Variants in ARHGAP10 observed in about 807,000 individuals in gnomAD.
ARHGAP10 encodes Rho GTPase activating protein 10.
Under a neutral mutation model 108.6 loss-of-function variants are expected in ARHGAP10, and 87 were observed. The observed-to-expected ratio is 0.80, with a 90% CI of 0.67 to 0.96. ARHGAP10 has a LOEUF of 0.96. Ranked by LOEUF, ARHGAP10 falls within the 40% of genes least tolerant of loss-of-function variation. The pLI is 0.00. For missense variants in ARHGAP10, 939 were observed against 954.5 expected, an observed-to-expected ratio of 0.98 and a Z score of 0.21; for synonymous variants, 347 against 341.1, an observed-to-expected ratio of 1.02 and a Z score of -0.19.
At chr4:148,046,253 C>A (rs1303495514) in intron 19 of ARHGAP10, among the ~76,000 whole-genome samples, 1 of 152,142 alleles carries the variant, frequency 6.6e-6, no homozygotes, top group East Asian at 1.9e-4. Flanking sequence ...TGAATGGATA[C>A]ATTGTGCAAC....
At chr4:147,784,803 TATAATATATTATAAAATATATATTATAA>T (rs1461325573) in intron 1 of ARHGAP10, among the ~76,000 whole-genome samples, 6,494 of 51,990 alleles carry the variant, frequency 0.12, 1,611 homozygotes, top group Middle Eastern at 0.23. Flanking sequence ...ATATTATAAA[TATAATATATTATAAAATATATATTATAA>T]ATATATTATA....
chr4:148,038,142 T>C (rs114769969), intron 19 of ARHGAP10, among the ~76,000 whole-genome samples: 1,537 of 152,296 alleles, frequency 0.01, 22 homozygotes, highest in African/African-American at 0.035. Context: ...CAGACTTTAT[T>C]TTAGCAGAGT....
chr4:147,984,969 G>C (rs917462846), intron 18 of ARHGAP10, among the ~76,000 whole-genome samples: 4 of 152,200 alleles, frequency 2.6e-5, no homozygotes, highest in African/African-American at 9.6e-5. Flanking sequence ...TCAGCTTTGA[G>C]GGGTGGTCCA....
chr4:147,864,843 T>C lies in ARHGAP10; in HGVS notation c.487-3T>C, dbSNP rs749269913. ...TTGACTAACCTCTGTGATTTTAACA[T>C]AGGCAGATATCCAAGTAGAGCAGAA... On this transcript the variant is annotated splice_region_variant and splice_polypyrimidine_tract_variant and intron_variant, in intron 5 of 22. Transcript: ENST00000336498. 1.2e-6 allele frequency: 2 copies of C among 1,612,332 alleles called. No homozygotes were observed. The highest frequency in any genetic ancestry group is 1.7e-6 in the Non-Finnish European group (2 of 1,178,854).
chr4:147,805,603 C>T (rs188487463), intron 1 of ARHGAP10, among the ~76,000 whole-genome samples: 69 of 152,270 alleles, frequency 4.5e-4, no homozygotes, highest in African/African-American at 1.5e-3. Flanking sequence ...TATCCCTTCT[C>T]TTCATTTTTT....
intron 7 of ARHGAP10, among the ~76,000 whole-genome samples, chr4:147,872,279 G>A (rs1438365584): frequency 1.3e-5 from 2 of 152,084 alleles, no homozygotes; most frequent in African/African-American, 4.8e-5. Flanking sequence ...GAGCAGAGAT[G>A]TTAAGTGAGC....
At position 147,976,338 on chromosome 4, in the gene ARHGAP10, C is replaced by T. The variant is rs575966917; in HGVS notation, c.1716+9499C>T. 5.3e-5 allele frequency among the ~76,000 whole-genome samples: 8 copies of T among 152,232 alleles called. 1 individual carries two copies. In the Middle Eastern group the frequency reaches 0.02, roughly 388 times the overall value. On this transcript the variant is annotated intron_variant, in intron 18 of 22. Coordinates refer to ENST00000336498, the MANE Select transcript of ARHGAP10 (RefSeq NM_024605.4). ...GTGAGAGAAAAATAAATGTCTTAAA[C>T]AACAACAACAATAGCAGCAGCAATA...
chr4:147,881,043 G>A (rs1318885130), intron 9 of ARHGAP10, among the ~76,000 whole-genome samples: 1 of 152,062 alleles, frequency 6.6e-6, no homozygotes, highest in Admixed American at 6.6e-5. Flanking sequence ...GGAGGCCGAG[G>A]TGGGCAGATC....
chr4:148,034,122 C>T (rs950612165), intron 19 of ARHGAP10, among the ~76,000 whole-genome samples: 2 of 152,080 alleles, frequency 1.3e-5, no homozygotes, highest in Admixed American at 1.3e-4. Flanking sequence ...GGATGTAAAC[C>T]AGCCAATATA....
rs151004924 is a variant in ARHGAP10, at chr4:148,020,539, G to GTT, written c.1717-2719_1717-2718dup. On this transcript the variant is annotated intron_variant, in intron 18 of 22. Transcript: ENST00000336498. ...CTCCTACTTATAAGTGAGAACATGC[G>GTT]TTTTTTGTTTTTTTTTTTATTCCTG... 9.1e-3 allele frequency among the ~76,000 whole-genome samples: 1,333 copies of GTT among 146,324 alleles called. 28 individuals are homozygous for GTT. Among genetic ancestry groups the GTT allele is most frequent in the African/African-American group, 0.031 (1,218 of 38,922 alleles).
chr4:147,931,629 C>A (rs982443413), intron 13 of ARHGAP10, among the ~76,000 whole-genome samples: 4 of 152,100 alleles, frequency 2.6e-5, no homozygotes, highest in African/African-American at 9.7e-5. Flanking sequence ...TCTTTCCAGG[C>A]AATACCTCTG....
chr4:147,734,063 G>T (rs1434662203), intron 1 of ARHGAP10, among the ~76,000 whole-genome samples: 1 of 152,044 alleles, frequency 6.6e-6, no homozygotes, highest in Admixed American at 6.6e-5. Flanking sequence ...GGGAGCGGGG[G>T]TGCAGAGTGA....
intron 18 of ARHGAP10, among the ~76,000 whole-genome samples, chr4:147,988,935 C>T (rs552204827): frequency 5.3e-5 from 8 of 152,314 alleles, no homozygotes; most frequent in African/African-American, 1.4e-4. Context: ...TACCAAAAGA[C>T]GTTCTACTTA....
chr4:148,044,377 C>G (rs749653835), intron 19 of ARHGAP10, among the ~76,000 whole-genome samples: 2 of 152,146 alleles, frequency 1.3e-5, no homozygotes, highest in Non-Finnish European at 2.9e-5. Context: ...CCCAGACTCT[C>G]CTTTGCTGCT....
chr4:147,822,581 C>A, intron 1 of ARHGAP10, 146 bp from the exon 2 acceptor site: 2 of 751,032 alleles, frequency 2.7e-6, no homozygotes, highest in Non-Finnish European at 2.2e-6. Context: ...AGATGGCGGG[C>A]CATTTGGCAA....
intron 13 of ARHGAP10, among the ~76,000 whole-genome samples, chr4:147,929,948 T>C (rs1205284506): frequency 6.6e-6 from 1 of 152,206 alleles, no homozygotes; most frequent in Non-Finnish European, 1.5e-5. Flanking sequence ...TGCATACACA[T>C]GTGTGTATAT....
At chr4:147,803,501 T>C (rs1195484739) in intron 1 of ARHGAP10, among the ~76,000 whole-genome samples, 2 of 152,234 alleles carry the variant, frequency 1.3e-5, no homozygotes, top group Non-Finnish European at 2.9e-5. Flanking sequence ...TTAATTATAG[T>C]CAGCCTTCTG....
Position 148,047,047 on chromosome 4 carries a change from A to G in ARHGAP10, c.2023A>G (p.Thr675Ala). 2 of 1,613,962 alleles carry G rather than the reference A, an allele frequency of 1.2e-6. No homozygotes were observed. The highest frequency in any genetic ancestry group is 1.1e-5 in the South Asian group (1 of 91,058). Residue 675 changes from threonine (T) to alanine (A), a missense_variant, in exon 20 of 23, where the codon ACT becomes GCT. Thr to Ala is a moderately conservative substitution (Grantham distance 58). Coordinates refer to ENST00000336498, the MANE Select transcript of ARHGAP10 (RefSeq NM_024605.4). The part of the protein sequence containing the change: ...DGGSFGDWAS[T>A]IPGQTRSSMV... ...AGGGAGCTTTGGAGACTGGGCATCC[A>G]CTATGTAAGTAACCGTGCTTCTGTT...
intron 3 of ARHGAP10, among the ~76,000 whole-genome samples, chr4:147,837,779 G>T (rs913404175): frequency 1.3e-5 from 2 of 151,148 alleles, no homozygotes; most frequent in East Asian, 1.9e-4. Flanking sequence ...TTTATGGTGG[G>T]AGGTGGACTT....
Sources: gnomAD v4.1 joint callset for allele counts (sites outside exome capture counted in the v4.1 genomes callset) on GRCh38, gnomAD v4.1.1 for gene constraint, MANE v1.5 for transcripts, NCBI Gene and HGNC (gene_info 2026-07-23, HGNC 2026-07-21) for gene names.